Variants in ALDOA observed in about 807,000 individuals in gnomAD.
ALDOA encodes the protein fructose-bisphosphate aldolase A.
ALDOA carries 26 observed loss-of-function variants against 43.9 expected under a neutral mutation model. The observed-to-expected ratio is 0.59, with a 90% CI of 0.43 to 0.82. ALDOA has a LOEUF of 0.82. ALDOA is among the 40% of genes least tolerant of loss of function. ALDOA has a pLI of 0.00. For synonymous variants in ALDOA, 258 were observed against 222.6 expected (o/e 1.16, Z -1.42); for missense variants, 498 against 549.5 (o/e 0.91, Z 0.94).
In ALDOA at chr16:30,067,215, C is replaced by G. The variant is rs759238234; in HGVS notation, c.142-19C>G. On this transcript the variant is annotated intron_variant, in intron 2 of 9. Transcript: ENST00000642816. ...AAACCCTAGCTAACTAGTCCTTCCC[C>G]TCTGTTTCCTGTATCCAGGAACTTG... The G allele has an allele frequency of 1.2e-6, 2 of 1,612,166 alleles. No homozygotes were observed. Among genetic ancestry groups the G allele is most frequent in the East Asian group, 4.5e-5 (2 of 44,876 alleles).
Position 30,070,009 on chromosome 16 carries a change from G to C in ALDOA, c.1141G>C (p.Glu381Gln). 1 of 1,613,846 alleles carries C rather than the reference G, an allele frequency of 6.2e-7. No homozygotes were observed. Among genetic ancestry groups the C allele is most frequent in the Non-Finnish European group, 8.5e-7 (1 of 1,180,028 alleles). ...KKENLKAAQE[E>Q]YVKRALANSL... ...GGAGAACCTGAAGGCTGCGCAGGAG[G>C]AGTATGTCAAGCGAGCCCTGGTAAG... The change falls in exon 9 of 10, where the codon GAG becomes CAG. Residue 381 changes from glutamate (E) to glutamine (Q), a missense_variant. By Grantham distance (29) the Glu-to-Gln change is conservative. Coordinates refer to ENST00000642816, the MANE Select transcript of ALDOA (RefSeq NM_001243177.4).
chr16:30,069,420 G>A (rs1338175957), intron 7 of ALDOA, 31 bp downstream of exon 7: 2 of 1,613,970 alleles, frequency 1.2e-6, no homozygotes, highest in Non-Finnish European at 1.7e-6. Flanking sequence ...CCAGTGCAAG[G>A]TGGCTGGCCG....
intron 1 of ALDOA, 140 bp from the exon 2 acceptor site, chr16:30,066,745 A>G: frequency 2.2e-6 from 2 of 913,240 alleles, no homozygotes; most frequent in Non-Finnish European, 3.3e-6. Flanking sequence ...TTCTAATCTC[A>G]GATCTGGCTC....
Position 30,067,552 on chromosome 16 carries a change from C to T in ALDOA, c.377C>T (p.Pro126Leu), listed in dbSNP as rs371785490. The change falls in exon 4 of 10, where the codon CCC becomes CTC. Residue 126 changes from proline to leucine, a missense_variant. Physicochemically the swap from Pro to Leu is moderately conservative, Grantham distance 98 (BLOSUM62 -3). Transcript: ENST00000642816. The stretch of plus-strand genomic sequence containing the variant: ...CTGACAGCTGACGACCGCGTGAACC[C>T]CTGCATTGGGGGTGTCATCCTCTTC... ...LLLTADDRVNPCIGGVILFHE... is the reference protein window; with the variant it reads ...LLLTADDRVNLCIGGVILFHE... The T allele has an allele frequency of 2.5e-6, 4 of 1,613,914 alleles. No homozygotes were observed. The Admixed American group carries it at 5.0e-5, about 20-fold the overall frequency.
chr16:30,065,251 TC>T (rs1827682172), upstream of ALDOA, among the ~76,000 whole-genome samples: 1 of 152,172 alleles, frequency 6.6e-6, no homozygotes, highest in South Asian at 2.1e-4. Flanking sequence ...TGACAGGGTG[TC>T]GGCTCCGCGC....
intron 6 of ALDOA, 136 bp from the exon 7 acceptor site, chr16:30,069,170 T>C: frequency 7.5e-7 from 1 of 1,326,844 alleles, no homozygotes; most frequent in Non-Finnish European, 1.1e-6. Context: ...GCGGCTCTTG[T>C]CTCCTGTAAT....
rs2072177214 is a variant in ALDOA, at chr16:30,067,889, T to G, written c.486+228T>G. 16 of 597,394 alleles carry G rather than the reference T, an allele frequency of 2.7e-5. No individual in the cohort carries two copies. The South Asian group carries it at 3.1e-4, about 12-fold the overall frequency. 37.0% of individuals were successfully genotyped at this position (597,394 alleles called of 1,614,324 possible). A position where few individuals can be genotyped will look rare whatever the true frequency, so the allele number is the denominator to read the frequency against. ...CAGAAGCTCAGGGAAGTGAAGTGTT[T>G]TGCTCAGAGTAAGTGGCAGAGCCCC... On this transcript the variant is annotated intron_variant, in intron 4 of 9. Coordinates refer to ENST00000642816, the MANE Select transcript of ALDOA (RefSeq NM_001243177.4).
Position 30,069,827 on chromosome 16 carries a change from C to A in ALDOA, c.962-3C>A. On this transcript the variant is annotated splice_region_variant and splice_polypyrimidine_tract_variant and intron_variant, in intron 8 of 9. Coordinates refer to ENST00000642816, the MANE Select transcript of ALDOA (RefSeq NM_001243177.4). ...CCCCTCTCGCCTCACCCCTGCTCTA[C>A]AGGGATCACCTTCCTGTCTGGAGGC... is the stretch of plus-strand genomic sequence containing the variant. 6.2e-7 allele frequency: 1 copy of A among 1,614,126 alleles called. No homozygotes were observed. Among genetic ancestry groups the A allele is most frequent in the Non-Finnish European group, 8.5e-7 (1 of 1,180,026 alleles).
chr16:30,069,469 A>T (rs763806503), intron 7 of ALDOA, 30 bp from the exon 8 acceptor site: 1 of 1,611,060 alleles, frequency 6.2e-7, no homozygotes, highest in Admixed American at 1.7e-5. Context: ...CCTCCACCCC[A>T]CTACCCACCG....
upstream of ALDOA, chr16:30,064,335 CAAGG>C (rs2072032300): frequency 2.5e-6 from 1 of 398,336 alleles, no homozygotes; most frequent in African/African-American, 2.1e-5. Context: ...CGCAGGGAGT[CAAGG>C]GAGGAGGGAG....
chr16:30,069,821 G>T lies in ALDOA; in HGVS notation c.962-9G>T, dbSNP rs1284309743. On this transcript the variant is annotated splice_polypyrimidine_tract_variant and intron_variant, in intron 8 of 9. Transcript: ENST00000642816. ...CCACAGCCCCTCTCGCCTCACCCCT[G>T]CTCTACAGGGATCACCTTCCTGTCT... is the stretch of plus-strand genomic sequence containing the variant. 3 of 1,614,048 alleles carry T rather than the reference G, an allele frequency of 1.9e-6. No homozygotes were observed. In the Admixed American group the frequency reaches 5.0e-5, roughly 27 times the overall value.
Position 30,069,682 on chromosome 16 carries a change from C to T in ALDOA, c.961+9C>T. 1 of 1,613,296 alleles carries T rather than the reference C, an allele frequency of 6.2e-7. No individual in the cohort carries two copies. The highest frequency in any genetic ancestry group is 8.5e-7 in the Non-Finnish European group (1 of 1,179,972). ...GCCCCCCGCTGTCACTGGTGAGGCC[C>T]ACACTCATCTTGATCTCTATGCAGT... On this transcript the variant is annotated intron_variant, in intron 8 of 9. Coordinates refer to ENST00000642816, the MANE Select transcript of ALDOA (RefSeq NM_001243177.4).
At chr16:30,066,755 C>T in intron 1 of ALDOA, 130 bp from the exon 2 acceptor site, 3 of 1,009,792 alleles carry the variant, frequency 3.0e-6, no homozygotes, top group South Asian at 3.4e-5. Context: ...AGATCTGGCT[C>T]CGGGGTTGCT....
chr16:30,068,062 A>ATT lies in ALDOA; in HGVS notation c.486+420_486+421dup, dbSNP rs71143773. ...TTGAGTAACTAAACATTTTAAGTAA[A>ATT]TTTTTTTTTTTTTTTTTTTTGAGAT... On this transcript the variant is annotated intron_variant, in intron 4 of 9. Transcript: ENST00000642816. 5.5e-3 allele frequency: 967 copies of ATT among 176,380 alleles called. 6 individuals are homozygous for ATT. The highest frequency in any genetic ancestry group is 0.011 in the African/African-American group (403 of 35,166). The allele number at this position is 176,380 out of a possible 1,614,324, so 10.9% of individuals were successfully genotyped here.
At chr16:30,068,353 C>A in intron 4 of ALDOA, 1 of 413,452 alleles carries the variant, frequency 2.4e-6, no homozygotes, top group Non-Finnish European at 4.6e-6. Context: ...CGTGAGCCAC[C>A]ATGCCCGGCT....
chr16:30,067,330 C>G lies in ALDOA; in HGVS notation c.238C>G (p.Pro80Ala). ...LSDIAHRIVAPGKGILAADES... is the reference protein window; with the variant it reads ...LSDIAHRIVAAGKGILAADES... ...TGACATCGCTCACCGCATCGTGGCA[C>G]CTGGCAAGGGCATCCTGGCTGCAGA... The change falls in exon 3 of 10, where the codon CCT becomes GCT. Residue 80 changes from proline to alanine, a missense_variant. Pro to Ala is a conservative substitution (Grantham distance 27). Transcript: ENST00000642816. 6 of 1,613,740 alleles carry G rather than the reference C, an allele frequency of 3.7e-6. No homozygotes were observed. Among genetic ancestry groups the G allele is most frequent in the Non-Finnish European group, 4.2e-6 (5 of 1,180,038 alleles).
At position 30,070,029 on chromosome 16, in the gene ALDOA, G is replaced by A. The variant is rs1278848765; in HGVS notation, c.1161G>A (p.Leu387=). The part of the protein sequence containing the change: ...AAQEEYVKRA[L]ANSLACQGKY... ...AGGAGGAGTATGTCAAGCGAGCCCT[G>A]GTAAGGATAGGCAGGAGGTGGGCAG... The change falls in exon 9 of 10, where the codon CTG becomes CTA. Residue 387 remains leucine (L), a splice_region_variant and synonymous_variant. Coordinates refer to ENST00000642816, the MANE Select transcript of ALDOA (RefSeq NM_001243177.4). 1 of 1,613,744 alleles carries A rather than the reference G, an allele frequency of 6.2e-7. No homozygotes were observed. Among genetic ancestry groups the A allele is most frequent in the Admixed American group, 1.7e-5 (1 of 60,016 alleles).
At position 30,066,938 on chromosome 16, in the gene ALDOA, C is replaced by G. The variant is rs914136423; in HGVS notation, c.41C>G (p.Thr14Ser). Residue 14 changes from threonine to serine, a missense_variant, in exon 2 of 10, where the codon ACC becomes AGC. Transcript: ENST00000642816. ...RKPEGSSFNM[T>S]HLSMAMAFSF... is the part of the protein sequence containing the mutation. ...CCAGAAGGGTCCAGCTTCAACATGA[C>G]CCACCTGTCCATGGCTATGGCCTTT... 1.3e-6 allele frequency: 2 copies of G among 1,550,994 alleles called. No individual in the cohort carries two copies. The highest frequency in any genetic ancestry group is 1.7e-4 in the Middle Eastern group (1 of 5,992).
chr16:30,069,679 G>A lies in ALDOA; in HGVS notation c.961+6G>A, dbSNP rs773418197. The A allele has an allele frequency of 6.2e-7, 1 of 1,611,952 alleles. No individual in the cohort carries two copies. The highest frequency in any genetic ancestry group is 8.5e-7 in the Non-Finnish European group (1 of 1,179,626). ...AGTGCCCCCCGCTGTCACTGGTGAG[G>A]CCCACACTCATCTTGATCTCTATGC... On this transcript the variant is annotated splice_donor_region_variant and intron_variant, in intron 8 of 9. Transcript: ENST00000642816.
Sources: allele counts gnomAD v4.1 joint callset (sites outside exome capture counted in the v4.1 genomes callset), GRCh38; gene constraint gnomAD v4.1.1; transcripts MANE v1.5; gene names NCBI Gene and HGNC (gene_info 2026-07-23, HGNC 2026-07-21).